The following WAS variants were observed in gnomAD, a reference collection of about 807,000 sequenced individuals.
The protein encoded by WAS is WASP actin nucleation promoting factor.
WAS carries 1 observed loss-of-function variant against 38.9 expected under a neutral mutation model. The ratio of observed to expected loss-of-function variants is 0.03; its 90% CI spans 0.01 to 0.12. The LOEUF (loss-of-function observed/expected upper bound fraction) is 0.12. Among genes scored for constraint, WAS ranks in the 10% least tolerant of loss-of-function variants. The pLI, the probability that WAS is intolerant of heterozygous loss-of-function variation, is 1.00. For missense variants in WAS, 311 were observed against 431.2 expected (o/e 0.72, Z 2.47); for synonymous variants, 182 against 173.6 (o/e 1.05, Z -0.38).
chrX:48,679,455 A>G (rs2062396884), upstream of WAS, among the ~76,000 whole-genome samples: 1 of 112,426 alleles, frequency 8.9e-6, no homozygotes, highest in Non-Finnish European at 1.9e-5. Context: ...CTTGGTAACG[A>G]AATATCCACC....
chrX:48,689,259 C>A lies in WAS; in HGVS notation c.1339-61C>A, dbSNP rs781831613. 1.3e-5 allele frequency: 13 copies of A among 1,028,824 alleles called. No individual in the cohort carries two copies. The Admixed American group carries it at 3.1e-4, about 25-fold the overall frequency. The allele number at this position is 1,028,824 out of a possible 1,213,427, so 84.8% of individuals were successfully genotyped here. A position where few individuals can be genotyped will look rare whatever the true frequency, so the allele number is the denominator to read the frequency against. On this transcript the variant is annotated intron_variant, in intron 10 of 11. Coordinates refer to ENST00000376701, the MANE Select transcript of WAS (RefSeq NM_000377.3). ...GGGAGAGAAAATATTGATGGAGGGG[C>A]GGGGAGAAATGCTCCTTTCCCAGGC...
intron 11 of WAS, among the ~76,000 whole-genome samples, chrX:48,690,138 T>G (rs2062435276): frequency 8.9e-6 from 1 of 111,924 alleles, no homozygotes; most frequent in African/African-American, 3.2e-5. Flanking sequence ...TTAAAAAATT[T>G]TTTTGAAACA....
At chrX:48,681,246 C>T (rs1184987972), upstream of WAS, among the ~76,000 whole-genome samples, 1 of 111,809 alleles carries the variant, frequency 8.9e-6, no homozygotes, top group Non-Finnish European at 1.9e-5. Context: ...TCTCGGCTCA[C>T]TGCAACCTCC....
At chrX:48,680,742 C>T (rs1387695776), upstream of WAS, among the ~76,000 whole-genome samples, 2 of 111,968 alleles carry the variant, frequency 1.8e-5, no homozygotes, top group Admixed American at 1.9e-4. Context: ...GAATAATCCA[C>T]CCCTTGTTTA....
At chrX:48,679,334 T>TTTTTG (rs782782170), upstream of WAS, among the ~76,000 whole-genome samples, 2 of 112,221 alleles carry the variant, frequency 1.8e-5, no homozygotes, top group African/African-American at 3.2e-5. Flanking sequence ...GCTTCAGGTT[T>TTTTTG]TTTTGTTTTG....
intron 8 of WAS, 95 bp from the exon 9 acceptor site, chrX:48,688,205 A>T: frequency 8.6e-7 from 1 of 1,156,615 alleles, no homozygotes. Flanking sequence ...CCCCTCTCAG[A>T]TCCCTTGCTG....
At chrX:48,678,287 G>A (rs2062394829) in intron 1 of WAS, among the ~76,000 whole-genome samples, 1 of 111,279 alleles carries the variant, frequency 9.0e-6, no homozygotes, top group African/African-American at 3.3e-5. Context: ...ATACAGCAAC[G>A]TAAATTTTGC....
rs781930795 is a variant in WAS, at chrX:48,690,385, C to T, written c.1454-722C>T. 2.7e-5 allele frequency among the ~76,000 whole-genome samples: 3 copies of T among 111,261 alleles called. No individual in the cohort carries two copies. The Admixed American group carries it at 2.9e-4, about 11-fold the overall frequency. On this transcript the variant is annotated intron_variant, in intron 11 of 11. Coordinates refer to ENST00000376701, the MANE Select transcript of WAS (RefSeq NM_000377.3). ...CTGCTCTGCAACTCCAGGGCTCAAGCGATCTGCCCCGCCTCAGCCTCCCAG... is the reference window on the plus strand; with the variant it reads ...CTGCTCTGCAACTCCAGGGCTCAAGTGATCTGCCCCGCCTCAGCCTCCCAG...
chrX:48,679,215 G>T (rs2062396372), upstream of WAS, among the ~76,000 whole-genome samples: 1 of 109,172 alleles, frequency 9.2e-6, no homozygotes, highest in Non-Finnish European at 1.9e-5. Flanking sequence ...GTAGAGATGG[G>T]GTTTTGCTAT....
intron 1 of WAS, 63 bp downstream of exon 1, chrX:48,684,048 T>C: frequency 8.5e-7 from 1 of 1,170,063 alleles, no homozygotes; most frequent in Non-Finnish European, 1.2e-6. Context: ...CTCTCCTCCT[T>C]CTCTCTCTTC....
At position 48,688,933 on chromosome X, in the gene WAS, C is replaced by T. The variant is rs1557007283; in HGVS notation, c.1205C>T (p.Pro402Leu). 1.3e-5 allele frequency: 15 copies of T among 1,163,327 alleles called. No homozygotes were observed. The highest frequency in any genetic ancestry group is 1.7e-5 in the Non-Finnish European group (15 of 871,007). The change falls in exon 10 of 12, where the codon CCG becomes CTG. Residue 402 changes from proline (P) to leucine (L), a missense_variant. Pro to Leu is a moderately conservative substitution (Grantham distance 98). This residue lies in a region of WAS where 142 missense variants were observed against 157.6 expected (regional missense o/e 0.90). Coordinates refer to ENST00000376701, the MANE Select transcript of WAS (RefSeq NM_000377.3). ...PMPPPPPPPP[P>L]PPSSGNGPAP... ...CCACCACCACCGCCACCACCGCCAC[C>T]GCCGCCCAGCTCCGGGAATGGACCA...
chrX:48,688,233 A>G, intron 8 of WAS, 67 bp from the exon 9 acceptor site: 3 of 1,166,284 alleles, frequency 2.6e-6, no homozygotes, highest in Non-Finnish European at 2.3e-6. Flanking sequence ...CCCAACGACA[A>G]TCCATGTCGC....
At chrX:48,689,851 A>G (rs1247219798) in intron 11 of WAS, among the ~76,000 whole-genome samples, 2 of 108,727 alleles carry the variant, frequency 1.8e-5, no homozygotes, top group African/African-American at 6.7e-5. Context: ...ATTCAAAAAA[A>G]GTAGTCAAGC....
rs1557007099 is a variant in WAS at position 48,688,648 on chromosome X, C to A, written c.932-12C>A. 6.6e-6 allele frequency: 8 copies of A among 1,208,025 alleles called. No individual in the cohort carries two copies. The highest frequency in any genetic ancestry group is 7.8e-6 in the Non-Finnish European group (7 of 892,856). The stretch of plus-strand genomic sequence containing the variant: ...ATGAGAGTTACAGCTATGTGTTATA[C>A]CCCCTCCACAGAGCCACTTCCGCCG... On this transcript the variant is annotated splice_polypyrimidine_tract_variant and intron_variant, in intron 9 of 11. Transcript: ENST00000376701.
At chrX:48,689,671 T>C (rs2062433534) in intron 11 of WAS, 1 of 409,630 alleles carries the variant, frequency 2.4e-6, no homozygotes, top group Admixed American at 4.1e-5. Flanking sequence ...GTGTCCACAA[T>C]ATTAATGTCA....
rs782502982 is a variant in WAS at position 48,686,069 on chromosome X, C to T, written c.506-12C>T. 2 of 1,210,247 alleles carry T rather than the reference C, an allele frequency of 1.7e-6. No homozygotes were observed. Among genetic ancestry groups the T allele is most frequent in the African/African-American group, 3.5e-5 (2 of 57,363 alleles). On this transcript the variant is annotated splice_polypyrimidine_tract_variant and intron_variant, in intron 5 of 11. Coordinates refer to ENST00000376701, the MANE Select transcript of WAS (RefSeq NM_000377.3). ...GGGCTGTGATAACTCTCTACACATT[C>T]CATCTTCCCAGAGAGAAGAGGAGGG...
chrX:48,681,824 G>C (rs1298522343), upstream of WAS, among the ~76,000 whole-genome samples: 2 of 111,661 alleles, frequency 1.8e-5, no homozygotes, highest in Non-Finnish European at 3.8e-5. Context: ...CCTAGGTTCA[G>C]GAGAGAGGCT....
At position 48,685,956 on chromosome X, in the gene WAS, G is replaced by A; in HGVS notation, c.474G>A (p.Gln158=). The change falls in exon 5 of 12, where the codon CAG becomes CAA. Residue 158 remains glutamine (Q), a synonymous_variant. Coordinates refer to ENST00000376701, the MANE Select transcript of WAS (RefSeq NM_000377.3). Reference sequence around the variant, plus strand: ...TCCATCTATCCACAGACAGACGCCAGCTACCCCCACCACCAACACCAGCCA... The same window carrying A: ...TCCATCTATCCACAGACAGACGCCAACTACCCCCACCACCAACACCAGCCA... ...RNQRQSGDRR[Q]LPPPPTPANE... 1 of 1,211,919 alleles carries A rather than the reference G, an allele frequency of 8.3e-7. No homozygotes were observed. Among genetic ancestry groups the A allele is most frequent in the East Asian group, 3.0e-5 (1 of 33,846 alleles).
At chrX:48,677,146 G>T (rs924426353) in intron 1 of WAS, among the ~76,000 whole-genome samples, 1 of 111,596 alleles carries the variant, frequency 9.0e-6, no homozygotes, top group Non-Finnish European at 1.9e-5. Context: ...GAGTAGGGCG[G>T]GGTCTCTGGT....
Sources: gnomAD v4.1 joint callset for allele counts (sites outside exome capture counted in the v4.1 genomes callset) on GRCh38, gnomAD v4.1.1 for gene constraint, gnomAD v4.1.1 regional missense constraint, MANE v1.5 for transcripts, NCBI Gene and HGNC (gene_info 2026-07-23, HGNC 2026-07-21) for gene names.